CDC16: variants seen among roughly 807,000 people sequenced by gnomAD.
The protein encoded by CDC16 is cell division cycle 16, also known as cell division cycle protein 16 homolog.
CDC16 carries 34 observed loss-of-function variants against 87.0 expected under a neutral mutation model. The observed-to-expected ratio is 0.39, with a 90% CI of 0.30 to 0.52. CDC16 has a LOEUF of 0.52. Among genes scored for constraint, CDC16 ranks in the 20% least tolerant of loss-of-function variants. CDC16 has a pLI of 0.74. For missense variants in CDC16, 653 were observed against 751.9 expected (o/e 0.87, Z 1.54); for synonymous variants, 263 against 260.6 (o/e 1.01, Z -0.09).
intron 17 of CDC16, among the ~76,000 whole-genome samples, chr13:114,271,013 C>T (rs1247557037): frequency 1.3e-5 from 2 of 150,968 alleles, no homozygotes; most frequent in African/African-American, 4.9e-5. Context: ...GCTCTGCCTC[C>T]CAGGTTCACG....
intron 11 of CDC16, among the ~76,000 whole-genome samples, chr13:114,248,336 A>G (rs1482130239): frequency 6.6e-6 from 1 of 152,212 alleles, no homozygotes; most frequent in East Asian, 1.9e-4. Flanking sequence ...GTGACTTACC[A>G]ACTGAAATTC....
At position 114,239,495 on chromosome 13, in the gene CDC16, G is replaced by A. The variant is rs1225656490; in HGVS notation, c.381+5G>A. On this transcript the variant is annotated splice_donor_5th_base_variant and intron_variant, in intron 5 of 17. Coordinates refer to ENST00000356221, the MANE Select transcript of CDC16 (RefSeq NM_001078645.3). ...TGGGAAATGTCACAGTCTTCAGTAA[G>A]TAGTACTGTGAGCACAGCTCAGTAA... 6.3e-7 allele frequency: 1 copy of A among 1,597,662 alleles called. No homozygotes were observed. The highest frequency in any genetic ancestry group is 8.6e-7 in the Non-Finnish European group (1 of 1,167,974).
At chr13:114,244,345 T>A (rs1046280292) in intron 8 of CDC16, among the ~76,000 whole-genome samples, 1 of 152,380 alleles carries the variant, frequency 6.6e-6, no homozygotes, top group Non-Finnish European at 1.5e-5. Context: ...ACGCAGTAGC[T>A]AAGCCATCTC....
intron 8 of CDC16, 70 bp from the exon 9 acceptor site, chr13:114,244,820 A>T (rs1204942629): frequency 4.5e-6 from 4 of 889,128 alleles, no homozygotes; most frequent in Non-Finnish European, 7.5e-6. Context: ...GACTGTCTAC[A>T]CATAGCCGAT....
At position 114,272,446 on chromosome 13, in the gene CDC16, CCA is replaced by C; in HGVS notation, c.*4_*5del. 1 of 1,612,806 alleles carries C rather than the reference CCA, an allele frequency of 6.2e-7. No homozygotes were observed. The highest frequency in any genetic ancestry group is 1.1e-5 in the South Asian group (1 of 90,946). ...CTATGTCAGACCACAGCACGTGACT[CCA>C]GTCAGTGGTCCTGGTCCCACTGTCC... On this transcript the variant is annotated 3_prime_UTR_variant, in exon 18 of 18. Coordinates refer to ENST00000356221, the MANE Select transcript of CDC16 (RefSeq NM_001078645.3).
chr13:114,272,364 C>T lies in CDC16; in HGVS notation c.1784C>T (p.Ser595Phe), dbSNP rs928082424. 1 of 1,613,910 alleles carries T rather than the reference C, an allele frequency of 6.2e-7. No homozygotes were observed. The highest frequency in any genetic ancestry group is 8.5e-7 in the Non-Finnish European group (1 of 1,179,862). Residue 595 changes from serine (S) to phenylalanine (F), a missense_variant, in exon 18 of 18, where the codon TCC becomes TTC. By Grantham distance (155) the Ser-to-Phe change is radical (BLOSUM62 -2). Transcript: ENST00000356221. ...AGGAAAACTCCAGATTCCAGACCTT[C>T]CTTGGAAGAAACCTTTGAAATTGAA... is the stretch of plus-strand genomic sequence containing the variant. ...TSRKTPDSRP[S>F]LEETFEIEMN...
At chr13:114,238,234 C>A (rs551347576) in intron 3 of CDC16, among the ~76,000 whole-genome samples, 7 of 149,338 alleles carry the variant, frequency 4.7e-5, no homozygotes, top group Admixed American at 4.6e-4. Flanking sequence ...CTGCGATCTC[C>A]TCGGACGCCC....
At chr13:114,247,456 C>T (rs1274169075) in intron 11 of CDC16, among the ~76,000 whole-genome samples, 1 of 151,936 alleles carries the variant, frequency 6.6e-6, no homozygotes, top group Non-Finnish European at 1.5e-5. Context: ...GCATGAGCCA[C>T]CATGCCTGGC....
At chr13:114,244,256 C>G (rs2081724099) in intron 8 of CDC16, among the ~76,000 whole-genome samples, 1 of 152,102 alleles carries the variant, frequency 6.6e-6, no homozygotes, top group African/African-American at 2.4e-5. Context: ...TTGAAAATTC[C>G]ATTTTGGCAC....
intron 5 of CDC16, among the ~76,000 whole-genome samples, chr13:114,240,995 A>AT (rs1294636907): frequency 6.6e-6 from 1 of 152,132 alleles, no homozygotes; most frequent in Non-Finnish European, 1.5e-5. Flanking sequence ...ATAATTCATT[A>AT]TTTTTTCTAA....
At chr13:114,260,867 C>G (rs1169787254) in intron 14 of CDC16, among the ~76,000 whole-genome samples, 5 of 152,146 alleles carry the variant, frequency 3.3e-5, no homozygotes, top group South Asian at 2.1e-4. Flanking sequence ...TCTGTTCATT[C>G]ATTTAGTTGA....
At chr13:114,256,684 AG>A (rs1230522106) in intron 12 of CDC16, among the ~76,000 whole-genome samples, 1 of 152,244 alleles carries the variant, frequency 6.6e-6, no homozygotes, top group Non-Finnish European at 1.5e-5. Flanking sequence ...AGCTTCATAA[AG>A]GGAAGTAGAA....
intron 14 of CDC16, 83 bp downstream of exon 14, chr13:114,259,481 C>T (rs1018710270): frequency 1.3e-6 from 1 of 755,218 alleles, no homozygotes; most frequent in Non-Finnish European, 2.0e-6. Context: ...ACAGAAATCT[C>T]TTGCCTTCGA....
chr13:114,252,276 T>C lies in CDC16; in HGVS notation c.1097+1602T>C, dbSNP rs193132066. Among the ~76,000 whole-genome samples, 120 of 152,330 alleles carry C rather than the reference T, an allele frequency of 7.9e-4. 1 individual carries two copies. The East Asian group carries it at 0.022, about 28-fold the overall frequency. On this transcript the variant is annotated intron_variant, in intron 12 of 17. Coordinates refer to ENST00000356221, the MANE Select transcript of CDC16 (RefSeq NM_001078645.3). ...TTGGAAAGGAGCCTTACACTAGCCCTGTTGGATAAGAGCTTTACACTAGCC... is the reference window on the plus strand; with the variant it reads ...TTGGAAAGGAGCCTTACACTAGCCCCGTTGGATAAGAGCTTTACACTAGCC...
rs17337996 is a variant in CDC16 at position 114,246,059 on chromosome 13, A to G, written c.897+10A>G. The G allele has an allele frequency of 2.7e-4, 352 of 1,323,182 alleles. 1 individual carries two copies. The African/African-American group carries it at 4.9e-3, about 19-fold the overall frequency. 82.0% of individuals were successfully genotyped at this position (1,323,182 alleles called of 1,614,324 possible). On this transcript the variant is annotated intron_variant, in intron 10 of 17. Coordinates refer to ENST00000356221, the MANE Select transcript of CDC16 (RefSeq NM_001078645.3). ...ATATCCTAGTAATCCTGTAAGTAAT[A>G]TAACTTTTAGTCTTAGTTTTTTTTT...
intron 3 of CDC16, among the ~76,000 whole-genome samples, chr13:114,238,398 C>T (rs4383026): frequency 2.3e-5 from 3 of 129,598 alleles, no homozygotes; most frequent in Non-Finnish European, 3.2e-5. Context: ...GGAGCTGCTG[C>T]GAGCTCCTCG....
intron 11 of CDC16, 109 bp downstream of exon 11, chr13:114,247,113 A>G (rs2081913715): frequency 2.9e-6 from 2 of 691,452 alleles, no homozygotes; most frequent in African/African-American, 1.8e-5. Flanking sequence ...GAAAGAATAA[A>G]TGTTTTTTTT....
rs1031367692 is a variant in CDC16, at chr13:114,272,602, T to A, written c.*159T>A. On this transcript the variant is annotated 3_prime_UTR_variant, in exon 18 of 18. Transcript: ENST00000356221. ...CCTTAAGAGACTGGATCGCACACCT[T>A]TGCAACAGATGTGTTCTGATTCTCT... 3.1e-5 allele frequency: 18 copies of A among 577,144 alleles called. No homozygotes were observed. The highest frequency in any genetic ancestry group is 4.5e-5 in the Non-Finnish European group (15 of 332,418). The allele number at this position is 577,144 out of a possible 1,614,324, so 35.8% of individuals were successfully genotyped here. A position where few individuals can be genotyped will look rare whatever the true frequency, so the allele number is the denominator to read the frequency against.
chr13:114,260,439 C>G (rs1301404627), intron 14 of CDC16, among the ~76,000 whole-genome samples: 1 of 152,216 alleles, frequency 6.6e-6, no homozygotes, highest in Non-Finnish European at 1.5e-5. Flanking sequence ...ACGGGCTCAG[C>G]AGCATCAGCA....
Sources: allele counts gnomAD v4.1 joint callset (sites outside exome capture counted in the v4.1 genomes callset), GRCh38; gene constraint gnomAD v4.1.1; transcripts MANE v1.5; gene names NCBI Gene and HGNC (gene_info 2026-07-23, HGNC 2026-07-21).